Variants in UGT1A8 observed in about 807,000 individuals in gnomAD.
UGT1A8 encodes the protein UDP-glucuronosyltransferase 1A8.
In UGT1A8, 39 loss-of-function variants were observed where a neutral mutation model predicts 45.3. That is an observed-to-expected ratio of 0.86 (90% CI 0.67 to 1.12). The LOEUF is 1.12. Ranked by LOEUF, UGT1A8 falls within the 50% of genes most tolerant of loss-of-function variation. The probability of loss-of-function intolerance (pLI) is 0.00; values close to 1 mark genes in which losing one functional copy is unlikely to be tolerated. For synonymous variants in UGT1A8, 275 were observed against 249.2 expected, an observed-to-expected ratio of 1.10 and a Z score of -0.97; for missense variants, 719 against 664.9, an observed-to-expected ratio of 1.08 and a Z score of -0.90.
intron 1 of UGT1A8, among the ~76,000 whole-genome samples, chr2:233,690,063 C>T (rs2074973380): frequency 6.6e-6 from 1 of 152,196 alleles, no homozygotes; most frequent in African/African-American, 2.4e-5. Flanking sequence ...TGCAGCCCCA[C>T]CTCACAGCCT....
chr2:233,727,623 G>T (rs2077633696), intron 1 of UGT1A8, among the ~76,000 whole-genome samples: 1 of 152,148 alleles, frequency 6.6e-6, no homozygotes. Flanking sequence ...AGGCTGAGAG[G>T]TTGCACCCAC....
chr2:233,726,899 A>G (rs1208700222), intron 1 of UGT1A8, among the ~76,000 whole-genome samples: 1 of 152,092 alleles, frequency 6.6e-6, no homozygotes, highest in Non-Finnish European at 1.5e-5. Context: ...CTTACCATTC[A>G]ATTATCTCCT....
intron 1 of UGT1A8, among the ~76,000 whole-genome samples, chr2:233,695,701 C>A (rs2075303342): frequency 6.6e-6 from 1 of 152,146 alleles, no homozygotes; most frequent in Non-Finnish European, 1.5e-5. Flanking sequence ...GATTATTTCA[C>A]CTAACATAAT....
chr2:233,738,951 T>G (rs1690944687), intron 1 of UGT1A8: 1 of 152,230 alleles, frequency 6.6e-6, no homozygotes, highest in Non-Finnish European at 1.5e-5. Context: ...TGTTTTAGGC[T>G]GGGTCCAGGC....
intron 1 of UGT1A8, among the ~76,000 whole-genome samples, chr2:233,622,908 G>T (rs1004377351): frequency 2.0e-5 from 3 of 152,214 alleles, no homozygotes; most frequent in South Asian, 2.1e-4. Flanking sequence ...TTTCTATAAG[G>T]TGTAAGAAGG....
At chr2:233,719,761 G>T in intron 1 of UGT1A8, 2 of 1,612,292 alleles carry the variant, frequency 1.2e-6, no homozygotes, top group Admixed American at 1.7e-5. Context: ...ACTTACAAGT[G>T]CTTCCATATC....
At chr2:233,738,868 CT>C (rs1348396739) in intron 1 of UGT1A8, 1 of 152,334 alleles carries the variant, frequency 6.6e-6, no homozygotes, top group South Asian at 2.1e-4. Flanking sequence ...GGGAAAATGG[CT>C]CCAGGGCATG....
chr2:233,671,703 CA>C, intron 1 of UGT1A8: 1 of 904,008 alleles, frequency 1.1e-6, no homozygotes, highest in Non-Finnish European at 1.5e-6. Context: ...GCCCCCAAGG[CA>C]AAGACCATAA....
intron 1 of UGT1A8, chr2:233,729,033 A>G: frequency 1.9e-6 from 3 of 1,602,256 alleles, no homozygotes; most frequent in Admixed American, 3.4e-5. Context: ...TTGATTTGCT[A>G]AGTGGCTCAG....
intron 1 of UGT1A8, among the ~76,000 whole-genome samples, chr2:233,732,578 C>T (rs902333577): frequency 6.6e-6 from 1 of 152,146 alleles, no homozygotes; most frequent in Non-Finnish European, 1.5e-5. Context: ...TTCCCCATTG[C>T]TTGTTTTTGT....
intron 1 of UGT1A8, chr2:233,672,695 G>A (rs375970481): frequency 5.0e-6 from 8 of 1,613,854 alleles, no homozygotes; most frequent in South Asian, 3.3e-5. Flanking sequence ...TGGTTGTTGC[G>A]AACGGACTTT....
chr2:233,766,614 C>T (rs1699203096), intron 1 of UGT1A8, among the ~76,000 whole-genome samples: 1 of 152,184 alleles, frequency 6.6e-6, no homozygotes, highest in Non-Finnish European at 1.5e-5. Context: ...CCCTCTTCTA[C>T]CCAGCACTTC....
intron 1 of UGT1A8, among the ~76,000 whole-genome samples, chr2:233,676,758 T>C (rs939918603): frequency 6.6e-6 from 1 of 152,174 alleles, no homozygotes; most frequent in South Asian, 2.1e-4. Flanking sequence ...ACTGGGTTTA[T>C]AGACTTTTGG....
intron 1 of UGT1A8, among the ~76,000 whole-genome samples, chr2:233,619,108 T>C (rs17864672): frequency 9.6e-4 from 146 of 152,288 alleles, no homozygotes; most frequent in Non-Finnish European, 1.6e-3. Flanking sequence ...TTCTTTTCAG[T>C]ATAAAAAAAG....
Position 233,707,673 on chromosome 2 carries a change from C to T in UGT1A8, c.856-59361C>T, listed in dbSNP as rs184821134. Among the ~76,000 whole-genome samples the T allele has an allele frequency of 1.2e-3, 184 of 152,082 alleles. 1 individual carries two copies. The highest frequency in any genetic ancestry group is 4.2e-3 in the African/African-American group (173 of 41,484). On this transcript the variant is annotated intron_variant, in intron 1 of 4. Coordinates refer to ENST00000373450, the MANE Select transcript of UGT1A8 (RefSeq NM_019076.5). ...ACCACAATTTTATTTATCCATTCTA[C>T]TGTTGATGGGCTTTGGGTTGTATCT...
intron 1 of UGT1A8, among the ~76,000 whole-genome samples, chr2:233,624,558 A>G (rs2073062123): frequency 6.6e-6 from 1 of 152,132 alleles, no homozygotes; most frequent in African/African-American, 2.4e-5. Context: ...TAGACTTTGT[A>G]TTCTGCTCCA....
At chr2:233,639,088 C>T (rs2073380799) in intron 1 of UGT1A8, among the ~76,000 whole-genome samples, 1 of 152,012 alleles carries the variant, frequency 6.6e-6, no homozygotes, top group African/African-American at 2.4e-5. Context: ...ACCTAGAGGC[C>T]TTTAAAGATA....
At chr2:233,739,962 A>G (rs1691266437) in intron 1 of UGT1A8, among the ~76,000 whole-genome samples, 1 of 151,874 alleles carries the variant, frequency 6.6e-6, no homozygotes, top group Non-Finnish European at 1.5e-5. Flanking sequence ...AGCTGATTGA[A>G]TCATATCGGC....
At chr2:233,729,403 G>A (rs1559374235) in intron 1 of UGT1A8, 1 of 1,613,838 alleles carries the variant, frequency 6.2e-7, no homozygotes, top group Non-Finnish European at 8.5e-7. Flanking sequence ...TGATCGCCAT[G>A]TGCTGGGCCA....
Sources: allele counts gnomAD v4.1 joint callset (sites outside exome capture counted in the v4.1 genomes callset), GRCh38; gene constraint gnomAD v4.1.1; transcripts MANE v1.5; gene names NCBI Gene and HGNC (gene_info 2026-07-23, HGNC 2026-07-21).